Variants in PKIB observed in about 807,000 individuals in gnomAD.
The protein encoded by PKIB is PKI-beta.
PKIB carries 2 observed loss-of-function variants against 4.5 expected under a neutral mutation model. The observed-to-expected ratio is 0.44, with a 90% CI of 0.18 to 1.39. PKIB has a LOEUF of 1.39. PKIB is among the 40% of genes most tolerant of loss of function. The pLI is 0.27. For missense variants in PKIB, 94 were observed against 92.6 expected (o/e 1.02, Z -0.06); for synonymous variants, 38 against 36.0 (o/e 1.06, Z -0.20).
At chr6:122,553,481 CT>C (rs533553939) in intron 2 of PKIB, among the ~76,000 whole-genome samples, 97 of 65,818 alleles carry the variant, frequency 1.5e-3, no homozygotes, top group East Asian at 5.5e-3. Flanking sequence ...CAAATATCTT[CT>C]TTTTTTTTTT....
intron 2 of PKIB, among the ~76,000 whole-genome samples, chr6:122,668,002 A>G (rs1777300819): frequency 6.6e-6 from 1 of 152,122 alleles, no homozygotes; most frequent in Non-Finnish European, 1.5e-5. Flanking sequence ...CTTAACATAT[A>G]CACACTCTTC....
chr6:122,555,375 C>G (rs183992792), intron 2 of PKIB, among the ~76,000 whole-genome samples: 5 of 152,206 alleles, frequency 3.3e-5, no homozygotes, highest in Admixed American at 2.0e-4. Context: ...GGTGTTAGAG[C>G]CAAGGCCATA....
At chr6:122,489,632 T>A (rs188372491) in intron 2 of PKIB, among the ~76,000 whole-genome samples, 22 of 152,342 alleles carry the variant, frequency 1.4e-4, no homozygotes, top group African/African-American at 5.3e-4. Context: ...TTGTAAGAGG[T>A]TTCTTTTGGG....
intron 2 of PKIB, among the ~76,000 whole-genome samples, chr6:122,502,324 T>C (rs1302273573): frequency 1.3e-5 from 2 of 151,998 alleles, no homozygotes; most frequent in African/African-American, 2.4e-5. Context: ...GGTACCAATT[T>C]TCTGTAGTAG....
At chr6:122,715,157 A>T (rs1189394188) in intron 3 of PKIB, among the ~76,000 whole-genome samples, 1 of 152,072 alleles carries the variant, frequency 6.6e-6, no homozygotes, top group Non-Finnish European at 1.5e-5. Flanking sequence ...TTCATTTAAA[A>T]TGTCCCATCT....
At chr6:122,601,670 G>A (rs1431614241) in intron 3 of PKIB, among the ~76,000 whole-genome samples, 1 of 151,992 alleles carries the variant, frequency 6.6e-6, no homozygotes, top group African/African-American at 2.4e-5. Context: ...TATAATGATG[G>A]ATTTCCACTT....
At chr6:122,713,637 T>G (rs544333089) in intron 3 of PKIB, among the ~76,000 whole-genome samples, 1 of 152,320 alleles carries the variant, frequency 6.6e-6, no homozygotes, top group South Asian at 2.1e-4. Flanking sequence ...CGATATGCTA[T>G]CATTTGGTTA....
upstream of PKIB, among the ~76,000 whole-genome samples, chr6:122,606,752 C>T (rs142547125): frequency 1.9e-3 from 290 of 152,036 alleles, no homozygotes; most frequent in African/African-American, 6.7e-3. Flanking sequence ...CCTAAAAAAA[C>T]TAACCCACCA....
intron 2 of PKIB, among the ~76,000 whole-genome samples, chr6:122,507,035 C>T (rs1776430777): frequency 6.6e-6 from 1 of 152,084 alleles, no homozygotes; most frequent in Non-Finnish European, 1.5e-5. Context: ...TAAATTTTTT[C>T]ACCATTGTTG....
intron 3 of PKIB, among the ~76,000 whole-genome samples, chr6:122,594,404 A>T (rs1367657124): frequency 1.3e-5 from 2 of 152,002 alleles, no homozygotes; most frequent in Non-Finnish European, 1.5e-5. Flanking sequence ...ACGGGGTTTC[A>T]CCATGTTGGC....
At chr6:122,633,666 T>C (rs1775787509) in intron 2 of PKIB, among the ~76,000 whole-genome samples, 2 of 152,168 alleles carry the variant, frequency 1.3e-5, no homozygotes, top group South Asian at 4.1e-4. Flanking sequence ...ACTTAAATGG[T>C]TCTTATAGAG....
intron 1 of PKIB, among the ~76,000 whole-genome samples, chr6:122,612,154 A>T (rs1482919291): frequency 6.6e-6 from 1 of 152,156 alleles, no homozygotes; most frequent in East Asian, 1.9e-4. Flanking sequence ...TCAATGATAG[A>T]TCAATTTAAT....
chr6:122,471,954 T>C (rs1167779947), exon 1 of PKIB: 3 of 1,111,554 alleles, frequency 2.7e-6, no homozygotes, highest in Non-Finnish European at 2.4e-6. Context: ...ACGGCTGTCT[T>C]CTTTCCTGGA....
At chr6:122,722,280 C>A (rs1013926668) in intron 4 of PKIB, among the ~76,000 whole-genome samples, 1 of 152,084 alleles carries the variant, frequency 6.6e-6, no homozygotes, top group Non-Finnish European at 1.5e-5. Flanking sequence ...TTTCTAAACA[C>A]TTTCACATTA....
chr6:122,518,180 T>A (rs147728726), intron 2 of PKIB, among the ~76,000 whole-genome samples: 299 of 152,314 alleles, frequency 2.0e-3, no homozygotes, highest in Non-Finnish European at 3.1e-3. Flanking sequence ...AATGTTCTTC[T>A]TTGAGCTTAT....
chr6:122,513,689 C>T (rs1776656210), intron 2 of PKIB, among the ~76,000 whole-genome samples: 1 of 152,024 alleles, frequency 6.6e-6, no homozygotes, highest in Admixed American at 6.6e-5. Flanking sequence ...TCCACGTGGG[C>T]TCAATGTTTA....
At chr6:122,663,336 C>G (rs898999619) in intron 2 of PKIB, among the ~76,000 whole-genome samples, 1 of 152,078 alleles carries the variant, frequency 6.6e-6, no homozygotes, top group East Asian at 1.9e-4. Flanking sequence ...GAAAGAAGAG[C>G]CTGTTAAATT....
At chr6:122,644,287 A>G (rs1776230303) in intron 2 of PKIB, 1 of 152,206 alleles carries the variant, frequency 6.6e-6, no homozygotes, top group South Asian at 2.1e-4. Context: ...CACTAGGTGA[A>G]CATTTGAACT....
At chr6:122,691,189 A>T (rs930995121) in intron 3 of PKIB, among the ~76,000 whole-genome samples, 11 of 151,884 alleles carry the variant, frequency 7.2e-5, no homozygotes, top group African/African-American at 2.4e-4. Context: ...AATATTCTTG[A>T]TATTCTATAA....
Sources: gnomAD v4.1 joint callset for allele counts (sites outside exome capture counted in the v4.1 genomes callset) on GRCh38, gnomAD v4.1.1 for gene constraint, MANE v1.5 for transcripts, NCBI Gene and HGNC (gene_info 2026-07-23, HGNC 2026-07-21) for gene names.